Variants in LRP1B observed in about 807,000 individuals in gnomAD.
The protein encoded by LRP1B is low-density lipoprotein receptor-related protein 1B.
Under a neutral mutation model 556.6 loss-of-function variants are expected in LRP1B, and 217 were observed. The ratio of observed to expected loss-of-function variants is 0.39; its 90% CI spans 0.35 to 0.44. The LOEUF (loss-of-function observed/expected upper bound fraction) is 0.44, where lower values mean the gene tolerates loss of function less well. LRP1B is among the 20% of genes least tolerant of loss of function. The pLI, the probability that LRP1B is intolerant of heterozygous loss-of-function variation, is 1.00. For synonymous variants in LRP1B, 2,047 were observed against 1,865.8 expected, an observed-to-expected ratio of 1.10 and a Z score of -2.50; for missense variants, 5,053 against 5,620.8, an observed-to-expected ratio of 0.90 and a Z score of 3.23.
rs539400453 is a variant in LRP1B, at chr2:140,714,613, C to A, written c.6023+1360G>T. The stretch of plus-strand genomic sequence containing the variant: ...ATTGCAACTATGAAGCAAATAAATT[C>A]TTTATTAGAAACAAACTAAACATCC... On this transcript the variant is annotated intron_variant, in intron 37 of 90. Transcript: ENST00000389484. 2.0e-5 allele frequency among the ~76,000 whole-genome samples: 3 copies of A among 152,070 alleles called. No individual in the cohort carries two copies. The South Asian group carries it at 6.2e-4, about 31-fold the overall frequency.
At chr2:141,036,307 G>T (rs1200448487) in intron 11 of LRP1B, among the ~76,000 whole-genome samples, 1 of 152,000 alleles carries the variant, frequency 6.6e-6, no homozygotes, top group Non-Finnish European at 1.5e-5. Context: ...TAGAATCCCT[G>T]GGAATACCCA....
At chr2:140,779,348 A>G (rs1353901950) in intron 32 of LRP1B, among the ~76,000 whole-genome samples, 1 of 152,198 alleles carries the variant, frequency 6.6e-6, no homozygotes, top group African/African-American at 2.4e-5. Context: ...TGCCTAGGAA[A>G]TTCTTAGGGG....
chr2:141,547,424 T>A (rs1685594131), intron 2 of LRP1B, among the ~76,000 whole-genome samples: 1 of 138,902 alleles, frequency 7.2e-6, no homozygotes, highest in Non-Finnish European at 1.6e-5. Flanking sequence ...TTAAAAACAA[T>A]TATCTGGACA....
intron 1 of LRP1B, among the ~76,000 whole-genome samples, chr2:141,833,969 T>G (rs186541213): frequency 4.9e-5 from 7 of 143,216 alleles, no homozygotes; most frequent in Admixed American, 4.7e-4. Context: ...TGAAGAGGAT[T>G]AGGAAAAGTA....
chr2:140,681,633 A>C (rs1452730794), intron 41 of LRP1B, among the ~76,000 whole-genome samples: 1 of 152,178 alleles, frequency 6.6e-6, no homozygotes, highest in Non-Finnish European at 1.5e-5. Context: ...ATGATAATTT[A>C]ACGAAAAAAA....
chr2:141,663,808 AAAG>A (rs549927917), intron 2 of LRP1B, among the ~76,000 whole-genome samples: 187 of 152,220 alleles, frequency 1.2e-3, no homozygotes, highest in Middle Eastern at 0.01. Flanking sequence ...AACCAACTGA[AAAG>A]AAGGGACTCC....
At chr2:141,741,960 G>C (rs576001994) in intron 2 of LRP1B, among the ~76,000 whole-genome samples, 2 of 152,176 alleles carry the variant, frequency 1.3e-5, no homozygotes, top group Admixed American at 1.3e-4. Context: ...ATTTTGATTT[G>C]ATTTTGTATA....
chr2:141,535,714 A>C (rs1286746373), intron 2 of LRP1B, among the ~76,000 whole-genome samples: 1 of 152,082 alleles, frequency 6.6e-6, no homozygotes, highest in Non-Finnish European at 1.5e-5. Flanking sequence ...GCAACTTTCC[A>C]TTAGGGGCAA....
intron 84 of LRP1B, among the ~76,000 whole-genome samples, chr2:140,279,700 GA>G (rs141223328): frequency 0.037 from 5,592 of 151,990 alleles, 116 homozygotes; most frequent in South Asian, 0.084. Context: ...TAGTATATGA[GA>G]AGGCTTCTTC....
In LRP1B at chr2:141,100,455, T is replaced by G. The variant is rs75390391; in HGVS notation, c.1014-38182A>C. Among the ~76,000 whole-genome samples, 1,278 of 152,224 alleles carry G rather than the reference T, an allele frequency of 8.4e-3. 18 individuals are homozygous for G. The highest frequency in any genetic ancestry group is 0.03 in the African/African-American group (1,230 of 41,522). On this transcript the variant is annotated intron_variant, in intron 7 of 90. Coordinates refer to ENST00000389484, the MANE Select transcript of LRP1B (RefSeq NM_018557.3). ...AAACACCTTTTCCCTGTCTCCATCATAAAGAGGGCTAGAAAGTGTTAAGAA... is the reference window on the plus strand; with the variant it reads ...AAACACCTTTTCCCTGTCTCCATCAGAAAGAGGGCTAGAAAGTGTTAAGAA...
chr2:140,810,727 C>CAT (rs1690889235), intron 32 of LRP1B, among the ~76,000 whole-genome samples: 1 of 152,062 alleles, frequency 6.6e-6, no homozygotes, highest in East Asian at 1.9e-4. Flanking sequence ...CCAGTAAAGG[C>CAT]ATTACGAGGT....
chr2:140,459,408 G>A lies in LRP1B; in HGVS notation c.9626-1757C>T, dbSNP rs17523972. Among the ~76,000 whole-genome samples the A allele has an allele frequency of 6.7e-3, 1,015 of 152,166 alleles. 12 individuals carry two copies. Among genetic ancestry groups the A allele is most frequent in the South Asian group, 0.017 (83 of 4,826 alleles). On this transcript the variant is annotated intron_variant, in intron 60 of 90. Coordinates refer to ENST00000389484, the MANE Select transcript of LRP1B (RefSeq NM_018557.3). ...CCTCAAAATATTTAATGTGAATCTCGTTAGATGCAAAGGTGATAGTTAAAT... is the reference window on the plus strand; with the variant it reads ...CCTCAAAATATTTAATGTGAATCTCATTAGATGCAAAGGTGATAGTTAAAT...
At chr2:141,098,966 A>C (rs1461531521) in intron 7 of LRP1B, among the ~76,000 whole-genome samples, 1 of 152,206 alleles carries the variant, frequency 6.6e-6, no homozygotes, top group Non-Finnish European at 1.5e-5. Flanking sequence ...AAAATGTCTC[A>C]TTAAGGCTTT....
intron 34 of LRP1B, 137 bp downstream of exon 34, chr2:140,770,743 CT>C (rs1239928597): frequency 2.2e-5 from 12 of 545,952 alleles, no homozygotes; most frequent in Middle Eastern, 3.9e-4. Context: ...ACATATGAGA[CT>C]AAACAGTATA....
chr2:140,621,477 AT>A (rs148731281), intron 41 of LRP1B, among the ~76,000 whole-genome samples: 1 of 151,464 alleles, frequency 6.6e-6, no homozygotes, highest in South Asian at 2.1e-4. Flanking sequence ...AGGAAACAAC[AT>A]TTTTTTTAAT....
At chr2:140,575,966 G>A (rs988561527) in intron 43 of LRP1B, among the ~76,000 whole-genome samples, 33 of 151,696 alleles carry the variant, frequency 2.2e-4, no homozygotes, top group Middle Eastern at 6.8e-3. Context: ...CAAAGAACGC[G>A]TTCAGCCAAG....
chr2:140,669,290 A>C (rs1685398570), intron 41 of LRP1B, among the ~76,000 whole-genome samples: 1 of 152,220 alleles, frequency 6.6e-6, no homozygotes, highest in African/African-American at 2.4e-5. Context: ...AAGTGTTATT[A>C]TTTACACACA....
chr2:140,274,100 T>C (rs1481575526), intron 85 of LRP1B, among the ~76,000 whole-genome samples: 1 of 152,006 alleles, frequency 6.6e-6, no homozygotes, highest in Non-Finnish European at 1.5e-5. Flanking sequence ...GCTAATCTAA[T>C]TGAATAATAT....
intron 11 of LRP1B, among the ~76,000 whole-genome samples, chr2:141,045,039 G>A (rs1296948019): frequency 6.6e-6 from 1 of 151,526 alleles, no homozygotes; most frequent in East Asian, 1.9e-4. Context: ...AACAATGATA[G>A]ACTGGATTAA....
Sources: gnomAD v4.1 joint callset for allele counts (sites outside exome capture counted in the v4.1 genomes callset) on GRCh38, gnomAD v4.1.1 for gene constraint, MANE v1.5 for transcripts, NCBI Gene and HGNC (gene_info 2026-07-23, HGNC 2026-07-21) for gene names.